Variants in SPTLC1 observed in about 807,000 individuals in gnomAD.
The protein encoded by SPTLC1 is serine palmitoyltransferase long chain base subunit 1.
In SPTLC1, 55 loss-of-function variants were observed where a neutral mutation model predicts 68.9. That is an observed-to-expected ratio of 0.80 (90% CI 0.64 to 1.00). SPTLC1 has a LOEUF of 1.00. Ranked by LOEUF, SPTLC1 falls within the 50% of genes least tolerant of loss-of-function variation. The probability of loss-of-function intolerance (pLI) is 0.00; values close to 1 mark genes in which losing one functional copy is unlikely to be tolerated. For missense variants in SPTLC1, 449 were observed against 573.1 expected, an observed-to-expected ratio of 0.78 and a Z score of 2.21; for synonymous variants, 197 against 201.6, an observed-to-expected ratio of 0.98 and a Z score of 0.19.
chr9:92,058,168 A>G (rs1833961248), intron 7 of SPTLC1, among the ~76,000 whole-genome samples: 1 of 152,224 alleles, frequency 6.6e-6, no homozygotes, highest in African/African-American at 2.4e-5. Context: ...GTGAAATGTT[A>G]GCCTAGAGCA....
At chr9:92,066,147 A>T (rs1587936835) in intron 6 of SPTLC1, among the ~76,000 whole-genome samples, 1 of 152,194 alleles carries the variant, frequency 6.6e-6, no homozygotes, top group Non-Finnish European at 1.5e-5. Flanking sequence ...AACCACACAG[A>T]TATAAAATTA....
chr9:92,065,629 T>TA (rs1487363111), intron 6 of SPTLC1, among the ~76,000 whole-genome samples: 2 of 152,226 alleles, frequency 1.3e-5, no homozygotes, highest in Non-Finnish European at 2.9e-5. Context: ...TGCTTGTGTA[T>TA]AAAGTGACAC....
intron 12 of SPTLC1, among the ~76,000 whole-genome samples, chr9:92,043,829 C>CT (rs1419815693): frequency 6.6e-6 from 1 of 152,186 alleles, no homozygotes; most frequent in African/African-American, 2.4e-5. Context: ...GGCTGTTTCA[C>CT]TTTTTTGCTC....
At chr9:92,094,410 G>A (rs1835463966) in intron 3 of SPTLC1, among the ~76,000 whole-genome samples, 1 of 152,154 alleles carries the variant, frequency 6.6e-6, no homozygotes, top group South Asian at 2.1e-4. Flanking sequence ...CCAGATTTTT[G>A]TTACACTACA....
intron 1 of SPTLC1, among the ~76,000 whole-genome samples, chr9:92,113,935 T>C (rs1228471490): frequency 6.6e-6 from 1 of 152,220 alleles, no homozygotes; most frequent in African/African-American, 2.4e-5. Context: ...TGTGGTCCAA[T>C]GTGGACAGTC....
chr9:92,041,162 A>T (rs781726999), intron 12 of SPTLC1, among the ~76,000 whole-genome samples: 7 of 152,210 alleles, frequency 4.6e-5, no homozygotes, highest in Non-Finnish European at 1.0e-4. Context: ...ATGAAAACAG[A>T]GGCAAACCAG....
intron 3 of SPTLC1, among the ~76,000 whole-genome samples, chr9:92,093,840 T>C (rs1835446719): frequency 6.6e-6 from 1 of 152,128 alleles, no homozygotes; most frequent in African/African-American, 2.4e-5. Flanking sequence ...GGGAGGTGCT[T>C]TACCAGAAGG....
At chr9:92,073,030 T>TCC (rs1834554060) in intron 5 of SPTLC1, among the ~76,000 whole-genome samples, 1 of 151,494 alleles carries the variant, frequency 6.6e-6, no homozygotes, top group Admixed American at 6.6e-5. Flanking sequence ...CCCCTTTACG[T>TCC]CCCTCCCATT....
At chr9:92,079,222 T>A (rs1014684167) in intron 5 of SPTLC1, 1 of 422,298 alleles carries the variant, frequency 2.4e-6, no homozygotes, top group African/African-American at 2.1e-5. Context: ...ATTACAGGTA[T>A]CCACCACCAC....
At chr9:92,081,508 G>A (rs1257041771) in intron 3 of SPTLC1, among the ~76,000 whole-genome samples, 1 of 152,208 alleles carries the variant, frequency 6.6e-6, no homozygotes, top group Non-Finnish European at 1.5e-5. Context: ...GGAGCGGGGA[G>A]AATGTGGGTG....
At chr9:92,033,244 A>G (rs2118328259) in intron 14 of SPTLC1, among the ~76,000 whole-genome samples, 1 of 152,376 alleles carries the variant, frequency 6.6e-6, no homozygotes, top group East Asian at 1.9e-4. Flanking sequence ...ACAAAGCAGG[A>G]ATTCCATCCT....
chr9:92,101,561 CAAAAAAAA>C (rs61125464), intron 3 of SPTLC1, among the ~76,000 whole-genome samples: 3 of 45,950 alleles, frequency 6.5e-5, no homozygotes, highest in East Asian at 5.3e-4. Context: ...GACTCCGTCT[CAAAAAAAA>C]AAAAAAAAAA....
rs541147209 is a variant in SPTLC1 at position 92,057,685 on chromosome 9, C to T, written c.690+1494G>A. Among the ~76,000 whole-genome samples the T allele has an allele frequency of 6.1e-4, 93 of 152,224 alleles. No homozygotes were observed. The South Asian group carries it at 0.01, about 17-fold the overall frequency. Reference sequence around the variant, plus strand: ...AAGGGGATAAAAAACAATTCATGAACCATGGCGCTTGGAAAATGGACAAAG... The same window carrying T: ...AAGGGGATAAAAAACAATTCATGAATCATGGCGCTTGGAAAATGGACAAAG... On this transcript the variant is annotated intron_variant, in intron 7 of 14. Coordinates refer to ENST00000262554, the MANE Select transcript of SPTLC1 (RefSeq NM_006415.4).
At chr9:92,086,535 G>A (rs1835140985) in intron 3 of SPTLC1, among the ~76,000 whole-genome samples, 1 of 152,172 alleles carries the variant, frequency 6.6e-6, no homozygotes, top group South Asian at 2.1e-4. Context: ...ATTCTGGGTT[G>A]AAAATTCTTT....
At chr9:92,063,394 T>A (rs1834170501) in intron 6 of SPTLC1, among the ~76,000 whole-genome samples, 1 of 151,936 alleles carries the variant, frequency 6.6e-6, no homozygotes, top group Admixed American at 6.6e-5. Flanking sequence ...AAAAAAGAAA[T>A]CTCTCCAGGC....
intron 5 of SPTLC1, chr9:92,070,209 G>C (rs991635230): frequency 2.6e-5 from 4 of 152,186 alleles, no homozygotes; most frequent in African/African-American, 9.7e-5. Context: ...TGTCAGCCTT[G>C]CAAAGCAGGT....
intron 3 of SPTLC1, among the ~76,000 whole-genome samples, chr9:92,094,262 A>C (rs767931952): frequency 2.0e-5 from 3 of 152,234 alleles, no homozygotes; most frequent in Non-Finnish European, 4.4e-5. Flanking sequence ...ATTTCACTGA[A>C]TCTAAGATGT....
chr9:92,098,047 C>T (rs1835597778), intron 3 of SPTLC1, among the ~76,000 whole-genome samples: 3 of 152,168 alleles, frequency 2.0e-5, no homozygotes, highest in Non-Finnish European at 4.4e-5. Flanking sequence ...CCGGTGAAGA[C>T]TCCAAGATGG....
At chr9:92,038,473 A>G (rs1587904772) in intron 12 of SPTLC1, 108 bp from the exon 13 acceptor site, 2 of 809,840 alleles carry the variant, frequency 2.5e-6, no homozygotes, top group East Asian at 4.9e-5. Context: ...GTGAACGTAC[A>G]GAAGCTTGCG....
Sources: allele counts gnomAD v4.1 joint callset (sites outside exome capture counted in the v4.1 genomes callset), GRCh38; gene constraint gnomAD v4.1.1; transcripts MANE v1.5; gene names NCBI Gene and HGNC (gene_info 2026-07-23, HGNC 2026-07-21).